Variants in CEP85 observed in about 807,000 individuals in gnomAD.
CEP85 encodes the protein centrosomal protein 85.
CEP85 carries 58 observed loss-of-function variants against 93.7 expected under a neutral mutation model. The observed-to-expected ratio is 0.62, with a 90% CI of 0.50 to 0.77. The LOEUF (loss-of-function observed/expected upper bound fraction) is 0.77. Ranked by LOEUF, CEP85 falls within the 30% of genes least tolerant of loss-of-function variation. The pLI is 0.00. For missense variants in CEP85, 868 were observed against 922.0 expected (o/e 0.94, Z 0.76); for synonymous variants, 314 against 338.6 (o/e 0.93, Z 0.80).
intron 1 of CEP85, among the ~76,000 whole-genome samples, chr1:26,236,338 G>A (rs2089326206): frequency 6.6e-6 from 1 of 151,786 alleles, no homozygotes. Flanking sequence ...TGTTGAATGA[G>A]TGACTGTTTC....
At chr1:26,240,544 T>C (rs981663275) in intron 2 of CEP85, among the ~76,000 whole-genome samples, 4 of 152,038 alleles carry the variant, frequency 2.6e-5, no homozygotes, top group African/African-American at 9.7e-5. Flanking sequence ...ACAAGTCTTA[T>C]GCACATTCAG....
intron 2 of CEP85, among the ~76,000 whole-genome samples, chr1:26,242,223 C>T (rs1164817883): frequency 2.6e-5 from 4 of 152,122 alleles, no homozygotes; most frequent in African/African-American, 9.7e-5. Context: ...AACAGGGAAG[C>T]GGTTTCCAGT....
rs2089357739 is a variant in CEP85, at chr1:26,238,160, C to T, written c.-22-1602C>T. Among the ~76,000 whole-genome samples the T allele has an allele frequency of 2.0e-5, 3 of 147,020 alleles. No individual in the cohort carries two copies. The South Asian group carries it at 6.5e-4, about 32-fold the overall frequency. On this transcript the variant is annotated intron_variant, in intron 1 of 13. Coordinates refer to ENST00000451429, the MANE Select transcript of CEP85 (RefSeq NM_001319944.2). ...GAAATAGTACCATATAGTCTTTTTT[C>T]TCCAGAGTGATAGAATTATGTTCTG... is the stretch of plus-strand genomic sequence containing the variant.
chr1:26,276,737 T>A lies in CEP85; in HGVS notation c.2105T>A (p.Leu702His). 6.2e-7 allele frequency: 1 copy of A among 1,613,760 alleles called. No homozygotes were observed. ...TQRAQGHDPN[L>H]SLLLGIHSQH... is the part of the protein sequence containing the mutation. Reference sequence around the variant, plus strand: ...AGGGCCCAGGGCCATGACCCCAATCTCTCCCTGCTCCTGGGCATTCACTGT... The same window carrying A: ...AGGGCCCAGGGCCATGACCCCAATCACTCCCTGCTCCTGGGCATTCACTGT... Residue 702 changes from leucine to histidine, a missense_variant, in exon 13 of 14, where the codon CTC (leucine) becomes CAC (histidine). By Grantham distance (99) the Leu-to-His change is moderately conservative. Transcript: ENST00000451429.
chr1:26,266,710 C>G (rs1198154547), intron 7 of CEP85, among the ~76,000 whole-genome samples: 1 of 152,230 alleles, frequency 6.6e-6, no homozygotes, highest in Non-Finnish European at 1.5e-5. Context: ...AGATCTGCAT[C>G]ACTTTTTCTG....
chr1:26,236,097 A>T (rs796173089), intron 1 of CEP85, among the ~76,000 whole-genome samples: 6 of 152,220 alleles, frequency 3.9e-5, no homozygotes, highest in African/African-American at 1.4e-4. Context: ...GTTTTGTCAC[A>T]TGTAGAATGC....
At chr1:26,242,110 A>C (rs1223211680) in intron 2 of CEP85, among the ~76,000 whole-genome samples, 1 of 152,152 alleles carries the variant, frequency 6.6e-6, no homozygotes, top group Admixed American at 6.6e-5. Flanking sequence ...AACCTCTATA[A>C]ATATACCAAA....
chr1:26,244,646 A>G (rs926260398), intron 3 of CEP85, among the ~76,000 whole-genome samples: 2 of 151,942 alleles, frequency 1.3e-5, no homozygotes, highest in Non-Finnish European at 2.9e-5. Context: ...TCAGCCTCCT[A>G]GGTAGCTGAG....
intron 3 of CEP85, among the ~76,000 whole-genome samples, chr1:26,250,701 T>G (rs1004953808): frequency 6.6e-6 from 1 of 152,138 alleles, no homozygotes; most frequent in African/African-American, 2.4e-5. Flanking sequence ...TTGGCTTTGG[T>G]TTTGGCATTA....
chr1:26,276,694 T>TGTAG lies in CEP85; in HGVS notation c.2063_2066dup (p.Ser689ArgfsTer2). On this transcript the variant is annotated frameshift_variant, in exon 13 of 14. Coordinates refer to ENST00000451429, the MANE Select transcript of CEP85 (RefSeq NM_001319944.2). LOFTEE classifies it high-confidence loss of function. Reference sequence around the variant, plus strand: ...TTGCCTTCAAGATCTGCAGGCTGTCTGTAGCATTGTGACCCAGAGGGCCCA... The same window carrying TGTAG: ...TTGCCTTCAAGATCTGCAGGCTGTCTGTAGGTAGCATTGTGACCCAGAGGGCCCA... 6.2e-7 allele frequency: 1 copy of TGTAG among 1,614,212 alleles called. No individual in the cohort carries two copies.
rs755473861 is a variant in CEP85 at position 26,239,828 on chromosome 1, C to T, written c.45C>T (p.Val15=). The T allele has an allele frequency of 1.9e-6, 3 of 1,613,110 alleles. No individual in the cohort carries two copies. Among genetic ancestry groups the T allele is most frequent in the South Asian group, 1.1e-5 (1 of 91,062 alleles). The part of the protein sequence containing the change: ...EKYPTEGISH[V]TSPSSDVIQK... ...ATCCAACTGAGGGGATCTCTCACGTCACTTCACCGAGTGAGTAGTCAGAAG... is the reference window on the plus strand; with the variant it reads ...ATCCAACTGAGGGGATCTCTCACGTTACTTCACCGAGTGAGTAGTCAGAAG... Residue 15 remains valine, a synonymous_variant, in exon 2 of 14, where the codon GTC becomes GTT. Coordinates refer to ENST00000451429, the MANE Select transcript of CEP85 (RefSeq NM_001319944.2).
At chr1:26,259,557 G>T in intron 6 of CEP85, 60 bp from the exon 7 acceptor site, 1 of 1,423,984 alleles carries the variant, frequency 7.0e-7, no homozygotes, top group Non-Finnish European at 9.5e-7. Context: ...CTGGGAATAA[G>T]TAAAGTACAT....
At chr1:26,275,577 C>T (rs2090042624) in intron 12 of CEP85, among the ~76,000 whole-genome samples, 1 of 152,190 alleles carries the variant, frequency 6.6e-6, no homozygotes, top group East Asian at 1.9e-4. Flanking sequence ...CTGCGCTGGG[C>T]CCAGGAATGC....
intron 2 of CEP85, among the ~76,000 whole-genome samples, chr1:26,241,766 C>CTT (rs918945501): frequency 9.4e-4 from 135 of 143,564 alleles, no homozygotes; most frequent in African/African-American, 3.1e-3. Context: ...TTCAGCTTTT[C>CTT]TTTTTTTTTT....
intron 2 of CEP85, among the ~76,000 whole-genome samples, chr1:26,242,932 C>T (rs2089450423): frequency 6.6e-6 from 1 of 152,086 alleles, no homozygotes; most frequent in African/African-American, 2.4e-5. Context: ...CTACCTACCT[C>T]CCCCCAAACA....
chr1:26,255,134 T>G (rs753893904), intron 3 of CEP85, 37 bp from the exon 4 acceptor site: 1 of 1,563,406 alleles, frequency 6.4e-7, no homozygotes, highest in Admixed American at 1.7e-5. Flanking sequence ...AGCTTGCTAC[T>G]TCAATTTTTA....
Position 26,258,430 on chromosome 1 carries a change from G to A in CEP85, c.1155+170G>A, listed in dbSNP as rs1042907447. On this transcript the variant is annotated intron_variant, in intron 6 of 13. Coordinates refer to ENST00000451429, the MANE Select transcript of CEP85 (RefSeq NM_001319944.2). ...AGCACCCTTTATCATGCCCTTGTGG[G>A]AGCAGAAAAGGCTAAGAACCAGGTG... 3.9e-5 allele frequency among the ~76,000 whole-genome samples: 6 copies of A among 152,288 alleles called. No homozygotes were observed. In the East Asian group the frequency reaches 7.7e-4, roughly 20 times the overall value.
intron 8 of CEP85, 86 bp from the exon 9 acceptor site, chr1:26,269,374 C>T (rs1274643536): frequency 1.5e-6 from 2 of 1,334,814 alleles, no homozygotes; most frequent in Non-Finnish European, 2.1e-6. Context: ...GGTTTGAGTG[C>T]TATTTCTTTG....
At position 26,277,263 on chromosome 1, in the gene CEP85, G is replaced by A; in HGVS notation, c.2256G>A (p.Gln752=). 3.1e-6 allele frequency: 5 copies of A among 1,613,962 alleles called. No homozygotes were observed. Among genetic ancestry groups the A allele is most frequent in the Non-Finnish European group, 4.2e-6 (5 of 1,179,820 alleles). ...LRTTMSDRYA[Q]DMGENCVTQ is the part of the protein sequence containing the mutation. ...CCACCATGTCAGACAGATATGCCCA[G>A]GACATGGGAGAAAACTGTGTCACAC... The change falls in exon 14 of 14, where the codon CAG becomes CAA. Residue 752 remains glutamine (Q), a synonymous_variant. Transcript: ENST00000451429.
Sources: allele counts gnomAD v4.1 joint callset (sites outside exome capture counted in the v4.1 genomes callset), GRCh38; gene constraint gnomAD v4.1.1; transcripts MANE v1.5; gene names NCBI Gene and HGNC (gene_info 2026-07-23, HGNC 2026-07-21).